The following CACNA2D3 variants were observed in gnomAD, a reference collection of about 807,000 sequenced individuals.
CACNA2D3 encodes calcium voltage-gated channel auxiliary subunit alpha2delta 3, also known as voltage-dependent calcium channel subunit alpha-2/delta-3.
CACNA2D3 carries 60 observed loss-of-function variants against 160.6 expected under a neutral mutation model. The observed-to-expected ratio is 0.37, with a 90% CI of 0.30 to 0.46. The LOEUF (loss-of-function observed/expected upper bound fraction) is 0.46, where lower values mean the gene tolerates loss of function less well. Among genes scored for constraint, CACNA2D3 ranks in the 20% least tolerant of loss-of-function variants. CACNA2D3 has a pLI of 1.00. For synonymous variants in CACNA2D3, 558 were observed against 492.9 expected (o/e 1.13, Z -1.75); for missense variants, 1,205 against 1,365.0 (o/e 0.88, Z 1.85).
At chr3:54,911,469 C>A (rs769465887) in intron 27 of CACNA2D3, among the ~76,000 whole-genome samples, 18 of 149,072 alleles carry the variant, frequency 1.2e-4, no homozygotes, top group Non-Finnish European at 2.5e-4. Flanking sequence ...GCTGGAACTA[C>A]AGGCATGTAC....
At chr3:54,921,773 C>G (rs2106932224) in intron 27 of CACNA2D3, among the ~76,000 whole-genome samples, 1 of 152,286 alleles carries the variant, frequency 6.6e-6, no homozygotes, top group Non-Finnish European at 1.5e-5. Flanking sequence ...GCATGGAATG[C>G]AGACCATGCC....
chr3:54,720,496 A>G (rs910567535), intron 11 of CACNA2D3, among the ~76,000 whole-genome samples: 4 of 152,058 alleles, frequency 2.6e-5, no homozygotes, highest in African/African-American at 9.7e-5. Flanking sequence ...ATACATTTAG[A>G]CTTGCTTTAC....
At chr3:54,664,247 GGTGTCCCCGTGCCATGGGTAAGGCCAGTA>G in intron 11 of CACNA2D3, among the ~76,000 whole-genome samples, 1 of 152,206 alleles carries the variant, frequency 6.6e-6, no homozygotes, top group Non-Finnish European at 1.5e-5. Context: ...CAAGGCCAGT[GGTGTCCCCGTGCCATGGGTAAGGCCAGTA>G]GTGGCCCTTG....
chr3:54,806,635 A>G (rs1360148853), intron 13 of CACNA2D3, among the ~76,000 whole-genome samples: 1 of 152,214 alleles, frequency 6.6e-6, no homozygotes, highest in Non-Finnish European at 1.5e-5. Flanking sequence ...TGCCCAAGGT[A>G]ATTTATAGAT....
rs536015240 is a variant in CACNA2D3, at chr3:55,053,421, C to T, written c.2988-20024C>T. Among the ~76,000 whole-genome samples, 10 of 152,036 alleles carry T rather than the reference C, an allele frequency of 6.6e-5. No individual in the cohort carries two copies. The East Asian group carries it at 1.5e-3, about 23-fold the overall frequency. ...ATAGATAGAACTGACATCTTAACAA[C>T]ACTGGGACTTCTAACCAATGCTCAT... On this transcript the variant is annotated intron_variant, in intron 35 of 37. Coordinates refer to ENST00000474759, the MANE Select transcript of CACNA2D3 (RefSeq NM_018398.3).
chr3:54,350,147 G>T (rs1055221321), intron 3 of CACNA2D3, among the ~76,000 whole-genome samples: 1 of 152,108 alleles, frequency 6.6e-6, no homozygotes, highest in Non-Finnish European at 1.5e-5. Flanking sequence ...TTCAGAACTT[G>T]TATTGTGAGG....
At chr3:54,812,279 C>A (rs1703337640) in intron 13 of CACNA2D3, among the ~76,000 whole-genome samples, 1 of 152,138 alleles carries the variant, frequency 6.6e-6, no homozygotes, top group African/African-American at 2.4e-5. Flanking sequence ...GTTTCTGGTA[C>A]TGAAAAAGAA....
At chr3:54,716,721 G>A (rs545183298) in intron 11 of CACNA2D3, among the ~76,000 whole-genome samples, 22 of 152,146 alleles carry the variant, frequency 1.4e-4, no homozygotes, top group African/African-American at 4.1e-4. Flanking sequence ...GAGTTTTTGG[G>A]TTTTATTTTT....
intron 5 of CACNA2D3, among the ~76,000 whole-genome samples, chr3:54,538,635 C>T (rs1484027129): frequency 6.6e-6 from 1 of 152,150 alleles, no homozygotes; most frequent in Non-Finnish European, 1.5e-5. Context: ...GGAAGGCCGG[C>T]TTTCTCCTAA....
chr3:54,597,805 T>G (rs1254511829), intron 9 of CACNA2D3, among the ~76,000 whole-genome samples: 3 of 152,168 alleles, frequency 2.0e-5, no homozygotes, highest in African/African-American at 7.2e-5. Context: ...AGCATGACAA[T>G]TTTTAGTCTT....
At chr3:54,649,730 T>C (rs1699722108) in intron 11 of CACNA2D3, among the ~76,000 whole-genome samples, 2 of 152,194 alleles carry the variant, frequency 1.3e-5, no homozygotes, top group Admixed American at 1.3e-4. Context: ...CATCTAATCC[T>C]AATTACTTCC....
chr3:54,806,131 GA>G (rs1461176098), intron 13 of CACNA2D3, among the ~76,000 whole-genome samples: 2 of 152,176 alleles, frequency 1.3e-5, no homozygotes, highest in Non-Finnish European at 2.9e-5. Flanking sequence ...CGTTCCCTTT[GA>G]AAACTGACAC....
intron 2 of CACNA2D3, among the ~76,000 whole-genome samples, chr3:54,158,699 C>T (rs1700286538): frequency 6.6e-6 from 1 of 152,170 alleles, no homozygotes; most frequent in Non-Finnish European, 1.5e-5. Context: ...GGAGAGAGAG[C>T]ACTTCCTCTT....
intron 4 of CACNA2D3, among the ~76,000 whole-genome samples, chr3:54,492,059 T>C (rs1701119267): frequency 6.6e-6 from 1 of 152,120 alleles, no homozygotes; most frequent in African/African-American, 2.4e-5. Context: ...CTCTACATGG[T>C]TACAGGAGCC....
intron 2 of CACNA2D3, among the ~76,000 whole-genome samples, chr3:54,282,747 G>A (rs1447547263): frequency 2.0e-5 from 3 of 152,148 alleles, no homozygotes; most frequent in South Asian, 2.1e-4. Flanking sequence ...GTTGTGATAA[G>A]TATTATGAGA....
intron 25 of CACNA2D3, among the ~76,000 whole-genome samples, chr3:54,893,989 C>G (rs1403650730): frequency 6.6e-6 from 1 of 152,030 alleles, no homozygotes; most frequent in East Asian, 1.9e-4. Context: ...AACACTCTTT[C>G]ACATATGGTG....
intron 14 of CACNA2D3, among the ~76,000 whole-genome samples, chr3:54,822,242 T>C (rs1703620970): frequency 6.6e-6 from 1 of 152,178 alleles, no homozygotes; most frequent in South Asian, 2.1e-4. Flanking sequence ...AGCAGCACAG[T>C]GGACTACAGT....
chr3:54,717,014 T>C (rs1701063737), intron 11 of CACNA2D3, among the ~76,000 whole-genome samples: 1 of 152,078 alleles, frequency 6.6e-6, no homozygotes, highest in Non-Finnish European at 1.5e-5. Flanking sequence ...CTTCTAGTCA[T>C]TCTGTCCCCT....
chr3:54,644,234 T>A (rs1019771540), intron 11 of CACNA2D3, among the ~76,000 whole-genome samples: 1 of 152,116 alleles, frequency 6.6e-6, no homozygotes, highest in East Asian at 1.9e-4. Flanking sequence ...CTTGGATTAA[T>A]TGAAACCAGA....
Sources: gnomAD v4.1 joint callset for allele counts (sites outside exome capture counted in the v4.1 genomes callset) on GRCh38, gnomAD v4.1.1 for gene constraint, MANE v1.5 for transcripts, NCBI Gene and HGNC (gene_info 2026-07-23, HGNC 2026-07-21) for gene names.